LRRC28: variants seen among roughly 807,000 people sequenced by gnomAD.
LRRC28 encodes leucine-rich repeat-containing protein 28.
LRRC28 carries 39 observed loss-of-function variants against 45.7 expected under a neutral mutation model. The ratio of observed to expected loss-of-function variants is 0.85; its 90% confidence interval spans 0.66 to 1.12. The LOEUF (loss-of-function observed/expected upper bound fraction) is 1.12, where lower values mean the gene tolerates loss of function less well. LRRC28 is among the 50% of genes most tolerant of loss of function. The pLI is 0.00. For synonymous variants in LRRC28, 206 were observed against 178.8 expected, an observed-to-expected ratio of 1.15 and a Z score of -1.22; for missense variants, 435 against 438.5, an observed-to-expected ratio of 0.99 and a Z score of 0.07.
At chr15:99,316,201 T>A (rs1188237950) in intron 5 of LRRC28, among the ~76,000 whole-genome samples, 1 of 152,206 alleles carries the variant, frequency 6.6e-6, no homozygotes, top group Non-Finnish European at 1.5e-5. Flanking sequence ...AAAAATCATT[T>A]CATCCATACT....
At chr15:99,334,237 A>C in intron 6 of LRRC28, 108 bp downstream of exon 6, 1 of 1,261,600 alleles carries the variant, frequency 7.9e-7, no homozygotes, top group Non-Finnish European at 1.1e-6. Flanking sequence ...TATCTTGACG[A>C]TTGCTTCTCT....
chr15:99,343,602 A>C (rs1956587404), intron 6 of LRRC28, among the ~76,000 whole-genome samples: 2 of 152,242 alleles, frequency 1.3e-5, no homozygotes, highest in South Asian at 4.1e-4. Flanking sequence ...TTGTGGCTGT[A>C]GCATCTGTAC....
Position 99,282,191 on chromosome 15 carries a change from T to TTTTTTG in LRRC28, c.210-5066_210-5065insTTTTTG, listed in dbSNP as rs1327794715. 1.6e-4 allele frequency among the ~76,000 whole-genome samples: 22 copies of TTTTTTG among 138,384 alleles called. No homozygotes were observed. In the South Asian group the frequency reaches 5.3e-3, roughly 34 times the overall value. 90.8% of individuals were successfully genotyped at this position (138,384 alleles called of 152,430 possible). A position where few individuals can be genotyped will look rare whatever the true frequency, so the allele number is the denominator to read the frequency against. On this transcript the variant is annotated intron_variant, in intron 3 of 9. Coordinates refer to ENST00000301981, the MANE Select transcript of LRRC28 (RefSeq NM_144598.5). ...AATTTTTGGAGGTTTTTTTTTTTTTTGTAGCAGTAGCTCTCTCTTCTTCAG... is the reference window on the plus strand; with the variant it reads ...AATTTTTGGAGGTTTTTTTTTTTTTTTTTTTGGTAGCAGTAGCTCTCTCTTCTTCAG...
chr15:99,338,303 T>C (rs1000699507), intron 6 of LRRC28: 1 of 152,352 alleles, frequency 6.6e-6, no homozygotes, highest in Non-Finnish European at 1.5e-5. Context: ...CATGAACCGT[T>C]TTCTGAAAAA....
At chr15:99,368,915 G>A (rs1957408643) in intron 9 of LRRC28, among the ~76,000 whole-genome samples, 2 of 152,236 alleles carry the variant, frequency 1.3e-5, no homozygotes, top group South Asian at 4.2e-4. Context: ...TCTATAAGCA[G>A]CAAGAAGAAA....
Position 99,352,394 on chromosome 15 carries a change from G to A in LRRC28, c.618G>A (p.Gln206=), listed in dbSNP as rs1363871303. ...ATTTAGGTCGATCTCGAGAACTACA[G>A]TATGTATACGTGGATAACAACATTC... ...PLDLGRSREL[Q]YVYVDNNIHL... The change falls in exon 7 of 10, where the codon CAG becomes CAA. Residue 206 remains glutamine, a synonymous_variant. Coordinates refer to ENST00000301981, the MANE Select transcript of LRRC28 (RefSeq NM_144598.5). 4.3e-6 allele frequency: 7 copies of A among 1,613,828 alleles called. No individual in the cohort carries two copies. Among genetic ancestry groups the A allele is most frequent in the Non-Finnish European group, 5.9e-6 (7 of 1,179,920 alleles).
At position 99,369,713 on chromosome 15, in the gene LRRC28, G is replaced by C. The variant is rs1023953920; in HGVS notation, c.1031+6448G>C. 3.9e-5 allele frequency among the ~76,000 whole-genome samples: 6 copies of C among 152,186 alleles called. No homozygotes were observed. In the South Asian group the frequency reaches 1.0e-3, roughly 26 times the overall value. On this transcript the variant is annotated intron_variant, in intron 9 of 9. Transcript: ENST00000301981. ...TGCCTTTACAGCAACAGCTAGGCTA[G>C]TATTTGACCAAACAAATGGGCTCCA...
intron 2 of LRRC28, chr15:99,260,037 T>C: frequency 1.8e-6 from 1 of 567,970 alleles, no homozygotes; most frequent in Admixed American, 2.6e-5. Context: ...CTCTCATCGT[T>C]TGGATCCTGT....
At chr15:99,326,712 T>TA (rs1206038928) in intron 5 of LRRC28, 1 of 152,198 alleles carries the variant, frequency 6.6e-6, no homozygotes, top group African/African-American at 2.4e-5. Flanking sequence ...TCCCACCTTT[T>TA]AAAAAAATGT....
At chr15:99,298,552 G>T (rs1305340357) in intron 5 of LRRC28, among the ~76,000 whole-genome samples, 1 of 152,142 alleles carries the variant, frequency 6.6e-6, no homozygotes, top group Non-Finnish European at 1.5e-5. Context: ...GTGGTTGCAT[G>T]ATAGAAGCCT....
intron 5 of LRRC28, among the ~76,000 whole-genome samples, chr15:99,316,499 A>AT (rs1167785327): frequency 1.3e-5 from 2 of 152,216 alleles, no homozygotes; most frequent in East Asian, 3.9e-4. Context: ...AAGGAAAGTC[A>AT]TTTTTTTGGT....
intron 5 of LRRC28, 24 bp from the exon 6 acceptor site, chr15:99,333,899 T>C: frequency 6.2e-7 from 1 of 1,611,734 alleles, no homozygotes; most frequent in Non-Finnish European, 8.5e-7. Context: ...ATGCAATTTA[T>C]CCTAATTTTG....
chr15:99,300,082 G>C (rs2082358171), intron 5 of LRRC28, among the ~76,000 whole-genome samples: 1 of 151,718 alleles, frequency 6.6e-6, no homozygotes, highest in Non-Finnish European at 1.5e-5. Flanking sequence ...CTTCACTTTA[G>C]TATGAATTTA....
chr15:99,334,187 C>A, intron 6 of LRRC28, 58 bp downstream of exon 6: 2 of 1,584,082 alleles, frequency 1.3e-6, no homozygotes, highest in Non-Finnish European at 1.7e-6. Context: ...GCCTTTGTTT[C>A]TTTGACTAGA....
intron 5 of LRRC28, among the ~76,000 whole-genome samples, chr15:99,324,060 C>T (rs1430692325): frequency 6.6e-6 from 1 of 152,114 alleles, no homozygotes; most frequent in African/African-American, 2.4e-5. Context: ...CAGTAGTCCC[C>T]TATTATCTGT....
Position 99,255,907 on chromosome 15 carries a change from A to G in LRRC28, c.-51A>G. The G allele has an allele frequency of 1.3e-6, 2 of 1,530,762 alleles. No individual in the cohort carries two copies. The highest frequency in any genetic ancestry group is 1.8e-6 in the Non-Finnish European group (2 of 1,142,338). 94.8% of individuals were successfully genotyped at this position (1,530,762 alleles called of 1,614,324 possible). On this transcript the variant is annotated 5_prime_UTR_variant, in exon 2 of 10. Coordinates refer to ENST00000301981, the MANE Select transcript of LRRC28 (RefSeq NM_144598.5). ...CTCGTTCTCTTTATAGAAATGGACCAATTTTGACAAGATATAGTGCTGCAG... is the reference window on the plus strand; with the variant it reads ...CTCGTTCTCTTTATAGAAATGGACCGATTTTGACAAGATATAGTGCTGCAG...
chr15:99,298,174 G>A (rs1191072190), intron 5 of LRRC28, among the ~76,000 whole-genome samples: 1 of 152,184 alleles, frequency 6.6e-6, no homozygotes, highest in Non-Finnish European at 1.5e-5. Flanking sequence ...AGATTTAAAA[G>A]CAACTAACAC....
At chr15:99,306,921 C>G (rs1955204842) in intron 5 of LRRC28, among the ~76,000 whole-genome samples, 1 of 152,162 alleles carries the variant, frequency 6.6e-6, no homozygotes, top group Non-Finnish European at 1.5e-5. Context: ...ATCTTTGGTC[C>G]TTTTCGGGTC....
chr15:99,324,923 A>G (rs920319633), intron 5 of LRRC28, among the ~76,000 whole-genome samples: 5 of 152,190 alleles, frequency 3.3e-5, no homozygotes, highest in Admixed American at 1.3e-4. Flanking sequence ...TTTCAGCATG[A>G]CACAGCAATA....
Sources: gnomAD v4.1 joint callset for allele counts (sites outside exome capture counted in the v4.1 genomes callset) on GRCh38, gnomAD v4.1.1 for gene constraint, MANE v1.5 for transcripts, NCBI Gene and HGNC (gene_info 2026-07-23, HGNC 2026-07-21) for gene names.